Variants in BANP observed in about 807,000 individuals in gnomAD.
The protein encoded by BANP is protein BANP.
In BANP, 11 loss-of-function variants were observed where a neutral mutation model predicts 68.1. That is an observed-to-expected ratio of 0.16 (90% CI 0.10 to 0.27). The LOEUF (loss-of-function observed/expected upper bound fraction) is 0.27, where lower values mean the gene tolerates loss of function less well. BANP is among the 10% of genes least tolerant of loss of function. The pLI, the probability that BANP is intolerant of heterozygous loss-of-function variation, is 1.00. For synonymous variants in BANP, 329 were observed against 303.2 expected (o/e 1.09, Z -0.88); for missense variants, 504 against 722.7 (o/e 0.70, Z 3.47).
chr16:87,985,734 C>CG (rs910530212), intron 4 of BANP, among the ~76,000 whole-genome samples: 91 of 152,236 alleles, frequency 6.0e-4, no homozygotes, highest in African/African-American at 2.0e-3. Flanking sequence ...TCCTGGTGAC[C>CG]GGGGGGCAGT....
intron 4 of BANP, among the ~76,000 whole-genome samples, chr16:87,995,436 G>T (rs1431671294): frequency 6.6e-6 from 1 of 152,190 alleles, no homozygotes; most frequent in African/African-American, 2.4e-5. Flanking sequence ...AGGTACTGGA[G>T]TTTAAAAGAA....
chr16:88,052,570 A>G (rs997562136), intron 11 of BANP, among the ~76,000 whole-genome samples: 4 of 151,758 alleles, frequency 2.6e-5, no homozygotes, highest in African/African-American at 9.7e-5. Flanking sequence ...ACCTCCACCT[A>G]CTACCACTGC....
At chr16:87,956,036 T>C (rs2057981252) in intron 1 of BANP, among the ~76,000 whole-genome samples, 1 of 152,068 alleles carries the variant, frequency 6.6e-6, no homozygotes, top group Admixed American at 6.5e-5. Flanking sequence ...GAGTAGGGGT[T>C]TGGGGGCTCC....
At chr16:88,044,388 C>T (rs1348387554) in intron 11 of BANP, among the ~76,000 whole-genome samples, 2 of 152,272 alleles carry the variant, frequency 1.3e-5, no homozygotes, top group Non-Finnish European at 1.5e-5. Flanking sequence ...TCCTCCCTCG[C>T]TCACGTGTGT....
intron 4 of BANP, among the ~76,000 whole-genome samples, chr16:87,992,397 T>A (rs1040516524): frequency 6.6e-6 from 1 of 152,216 alleles, no homozygotes; most frequent in Non-Finnish European, 1.5e-5. Context: ...TATTGTCTAT[T>A]TTCTGAAAAT....
intron 1 of BANP, among the ~76,000 whole-genome samples, chr16:87,965,793 C>G (rs764059769): frequency 1.3e-5 from 2 of 152,186 alleles, no homozygotes; most frequent in Non-Finnish European, 2.9e-5. Context: ...TGTAGTTGGC[C>G]TTGCCTGTAG....
At chr16:88,072,952 GC>G (rs1599158917) in intron 13 of BANP, among the ~76,000 whole-genome samples, 2 of 152,250 alleles carry the variant, frequency 1.3e-5, no homozygotes, top group African/African-American at 4.8e-5. Context: ...GAACATTCTG[GC>G]CGCTGTCTTT....
chr16:88,047,072 G>GA (rs141610858), intron 11 of BANP, among the ~76,000 whole-genome samples: 31 of 148,114 alleles, frequency 2.1e-4, no homozygotes, highest in Middle Eastern at 3.5e-3. Flanking sequence ...TCTCAAAAAA[G>GA]AAAAAAAAAA....
At chr16:87,975,350 C>T in intron 2 of BANP, 165 bp downstream of exon 2, 1 of 705,800 alleles carries the variant, frequency 1.4e-6, no homozygotes, top group Admixed American at 2.4e-5. Context: ...CCCTCCCTTC[C>T]CTCGCCCCTG....
chr16:87,997,633 G>A (rs925710142), intron 4 of BANP, among the ~76,000 whole-genome samples: 1 of 151,690 alleles, frequency 6.6e-6, no homozygotes, highest in East Asian at 1.9e-4. Context: ...ATGTCTTCAT[G>A]GTAAAGTGGG....
chr16:88,006,170 G>T lies in BANP; in HGVS notation c.560G>T (p.Ser187Ile). The T allele has an allele frequency of 6.2e-7, 1 of 1,613,964 alleles. No individual in the cohort carries two copies. The highest frequency in any genetic ancestry group is 8.5e-7 in the Non-Finnish European group (1 of 1,179,924). The change falls in exon 6 of 14, where the codon AGC (serine) becomes ATC (isoleucine). Residue 187 changes from serine to isoleucine, a missense_variant. This residue lies in a region of BANP where 238 missense variants were observed against 278.9 expected (regional missense o/e 0.85). Transcript: ENST00000682872. ...QEDSHHEDGE[S>I]GSEASDSVSS... is the part of the protein sequence containing the mutation. ...GACAGCCACCACGAGGACGGGGAGA[G>T]CGGCTCGGAGGCCAGCGACTCTGTG...
chr16:87,999,353 T>C (rs879076904), intron 4 of BANP, among the ~76,000 whole-genome samples: 2 of 147,070 alleles, frequency 1.4e-5, no homozygotes, highest in Admixed American at 6.7e-5. Flanking sequence ...CGGCTGTACT[T>C]ACCTGTCCTT....
intron 4 of BANP, among the ~76,000 whole-genome samples, chr16:87,994,319 G>T (rs1285708207): frequency 6.6e-6 from 1 of 152,218 alleles, no homozygotes; most frequent in African/African-American, 2.4e-5. Flanking sequence ...TGAGCTGCTC[G>T]CATTCTGATT....
At chr16:87,984,958 A>G (rs1209534690) in intron 4 of BANP, among the ~76,000 whole-genome samples, 1 of 152,212 alleles carries the variant, frequency 6.6e-6, no homozygotes, top group Non-Finnish European at 1.5e-5. Context: ...AGCGCTACTC[A>G]CTTCAGGTTC....
chr16:88,005,093 C>T (rs1489609830), intron 5 of BANP, among the ~76,000 whole-genome samples: 1 of 152,242 alleles, frequency 6.6e-6, no homozygotes, highest in African/African-American at 2.4e-5. Context: ...CCTCCAGCTT[C>T]GTCCCCTTTC....
chr16:88,057,080 G>C lies in BANP; in HGVS notation c.1312-8187G>C, dbSNP rs868726411. The stretch of plus-strand genomic sequence containing the variant: ...GGATCCAAATGTGAGAACTTTTTCT[G>C]AATAAGGGAGTTTTGGTGATTCTTT... On this transcript the variant is annotated intron_variant, in intron 11 of 13. Coordinates refer to ENST00000682872, the MANE Select transcript of BANP (RefSeq NM_001386991.1). The surrounding 1 kb of genome is among the most constrained non-coding windows in gnomAD (Gnocchi z 4.6). 1.1e-4 allele frequency among the ~76,000 whole-genome samples: 17 copies of C among 152,184 alleles called. No individual in the cohort carries two copies. Among genetic ancestry groups the C allele is most frequent in the South Asian group, 8.3e-4 (4 of 4,830 alleles).
chr16:88,038,001 A>C lies in BANP; in HGVS notation c.1301A>C (p.Gln434Pro), dbSNP rs1302014630. The C allele has an allele frequency of 1.9e-6, 3 of 1,610,712 alleles. No homozygotes were observed. Among genetic ancestry groups the C allele is most frequent in the East Asian group, 2.2e-5 (1 of 44,716 alleles). ...EGNLQIHHVG[Q>P]DGQLLEATRI... ...AACCTCCAGATCCATCACGTGGGGC[A>C]GGACGGTCAGGTGAGTGTCCCAGTC... is the stretch of plus-strand genomic sequence containing the variant. The change falls in exon 11 of 14, where the codon CAG becomes CCG. Residue 434 changes from glutamine to proline, a missense_variant. Coordinates refer to ENST00000682872, the MANE Select transcript of BANP (RefSeq NM_001386991.1).
At chr16:87,992,045 T>C (rs1320730386) in intron 4 of BANP, among the ~76,000 whole-genome samples, 1 of 152,256 alleles carries the variant, frequency 6.6e-6, no homozygotes, top group Admixed American at 6.5e-5. Context: ...CTATTCTTTG[T>C]TTCATGGGAG....
chr16:87,995,822 CG>C (rs1312958696), intron 4 of BANP, among the ~76,000 whole-genome samples: 2 of 152,224 alleles, frequency 1.3e-5, no homozygotes, highest in African/African-American at 4.8e-5. Flanking sequence ...TTGGGCTCGG[CG>C]GGGCGCCAAG....
Sources: gnomAD v4.1 joint callset for allele counts (sites outside exome capture counted in the v4.1 genomes callset) on GRCh38, gnomAD v4.1.1 for gene constraint, gnomAD v4.1.1 regional missense constraint, Gnocchi (gnomAD v3.1) non-coding constraint, MANE v1.5 for transcripts, NCBI Gene and HGNC (gene_info 2026-07-23, HGNC 2026-07-21) for gene names.